The following BRINP3 variants were observed in gnomAD, a reference collection of about 807,000 sequenced individuals.
BRINP3 encodes the protein BMP/retinoic acid inducible neural specific 3, also known as BMP/retinoic acid-inducible neural-specific protein 3.
BRINP3 carries 19 observed loss-of-function variants against 71.0 expected under a neutral mutation model. That is an observed-to-expected ratio of 0.27 (90% CI 0.19 to 0.39). The LOEUF (loss-of-function observed/expected upper bound fraction) is 0.39, where lower values mean the gene tolerates loss of function less well. Ranked by LOEUF, BRINP3 falls within the 10% of genes least tolerant of loss-of-function variation. BRINP3 has a pLI of 1.00. For missense variants in BRINP3, 959 were observed against 940.8 expected (o/e 1.02, Z -0.25); for synonymous variants, 380 against 337.7 (o/e 1.13, Z -1.37).
At position 190,332,868 on chromosome 1, in the gene BRINP3, T is replaced by C. The variant is rs142721753; in HGVS notation, c.237-51118A>G. ...TACTTCAGGCTATTATCAATCCGGG[T>C]GTGTTTCCATGTTGAGTGGCCCTCC... On this transcript the variant is annotated intron_variant, in intron 2 of 7. Transcript: ENST00000367462. Among the ~76,000 whole-genome samples, 829 of 152,068 alleles carry C rather than the reference T, an allele frequency of 5.5e-3. 5 individuals are homozygous for C. The highest frequency in any genetic ancestry group is 0.018 in the African/African-American group (759 of 41,534).
At chr1:190,436,717 C>A (rs963178079) in intron 2 of BRINP3, among the ~76,000 whole-genome samples, 13 of 151,652 alleles carry the variant, frequency 8.6e-5, no homozygotes. Context: ...AAAATCATAT[C>A]AAGCAAATAG....
rs188103518 is a variant in BRINP3 at position 190,357,251 on chromosome 1, G to T, written c.237-75501C>A. Among the ~76,000 whole-genome samples the T allele has an allele frequency of 8.6e-5, 13 of 152,004 alleles. No homozygotes were observed. In the East Asian group the frequency reaches 2.5e-3, roughly 29 times the overall value. On this transcript the variant is annotated intron_variant, in intron 2 of 7. Coordinates refer to ENST00000367462, the MANE Select transcript of BRINP3 (RefSeq NM_199051.3). The stretch of plus-strand genomic sequence containing the variant: ...TTAAAAAGACATTTTGAAATTGACC[G>T]CCTTGAGTGAACTGCCAAACCTAGA...
intron 6 of BRINP3, among the ~76,000 whole-genome samples, chr1:190,169,684 A>G (rs1467841552): frequency 1.3e-5 from 2 of 152,204 alleles, no homozygotes; most frequent in Non-Finnish European, 2.9e-5. Context: ...TTAAAACCAC[A>G]GTAATAATAA....
intron 2 of BRINP3, among the ~76,000 whole-genome samples, chr1:190,337,497 T>C (rs1292723336): frequency 6.6e-6 from 1 of 152,034 alleles, no homozygotes; most frequent in Non-Finnish European, 1.5e-5. Flanking sequence ...CAGAGGAACA[T>C]GGAAGGGCTA....
rs76751759 is a variant in BRINP3 at position 190,449,525 on chromosome 1, T to G, written c.236+5130A>C. Among the ~76,000 whole-genome samples the G allele has an allele frequency of 4.9e-3, 752 of 152,180 alleles. 4 individuals are homozygous for G. Among genetic ancestry groups the G allele is most frequent in the Non-Finnish European group, 8.3e-3 (566 of 67,956 alleles). On this transcript the variant is annotated intron_variant, in intron 2 of 7. Coordinates refer to ENST00000367462, the MANE Select transcript of BRINP3 (RefSeq NM_199051.3). ...CCCTACTATTAACCTCATACTGTCATGTAATGCAAGTCCAAAGCTACTGTT... is the reference window on the plus strand; with the variant it reads ...CCCTACTATTAACCTCATACTGTCAGGTAATGCAAGTCCAAAGCTACTGTT...
intron 2 of BRINP3, among the ~76,000 whole-genome samples, chr1:190,334,270 A>G (rs1352610938): frequency 3.9e-5 from 6 of 151,936 alleles, no homozygotes; most frequent in Non-Finnish European, 8.8e-5. Context: ...TGCCCACGCT[A>G]CGTTCAAGGA....
chr1:190,184,379 G>T (rs1279454527), intron 6 of BRINP3, among the ~76,000 whole-genome samples: 1 of 152,142 alleles, frequency 6.6e-6, no homozygotes, highest in Non-Finnish European at 1.5e-5. Context: ...TCCCATTATT[G>T]TTTATATACC....
intron 2 of BRINP3, among the ~76,000 whole-genome samples, chr1:190,385,401 C>G (rs1047054779): frequency 6.6e-6 from 1 of 151,782 alleles, no homozygotes; most frequent in African/African-American, 2.4e-5. Context: ...ACAAACAACC[C>G]CATCAAAAAG....
intron 4 of BRINP3, among the ~76,000 whole-genome samples, chr1:190,248,896 A>C (rs1659861284): frequency 6.6e-6 from 1 of 151,826 alleles, no homozygotes; most frequent in South Asian, 2.1e-4. Context: ...TTCTCCATTA[A>C]ATAATATATT....
chr1:190,346,547 T>C (rs1046141350), intron 2 of BRINP3, among the ~76,000 whole-genome samples: 2 of 152,168 alleles, frequency 1.3e-5, no homozygotes, highest in Non-Finnish European at 2.9e-5. Flanking sequence ...CCAAAGGATG[T>C]GCATTTCTTG....
chr1:190,455,112 T>C (rs1231597878), intron 1 of BRINP3, among the ~76,000 whole-genome samples, 172 bp from the exon 2 acceptor site: 13 of 152,208 alleles, frequency 8.5e-5, no homozygotes, highest in Admixed American at 8.5e-4. Context: ...GTATATCTTT[T>C]ATACTTTGTT....
intron 6 of BRINP3, among the ~76,000 whole-genome samples, chr1:190,198,856 A>G (rs1220048903): frequency 6.6e-6 from 1 of 152,146 alleles, no homozygotes; most frequent in Non-Finnish European, 1.5e-5. Context: ...CTCCCTGTTA[A>G]CCAGTTCCAA....
At chr1:190,184,904 T>C (rs1303750623) in intron 6 of BRINP3, among the ~76,000 whole-genome samples, 1 of 152,102 alleles carries the variant, frequency 6.6e-6, no homozygotes, top group African/African-American at 2.4e-5. Flanking sequence ...GTAGAAATTA[T>C]TTTTTAAAAA....
chr1:190,384,915 C>T (rs527437070), intron 2 of BRINP3, among the ~76,000 whole-genome samples: 214 of 151,932 alleles, frequency 1.4e-3, no homozygotes, highest in Middle Eastern at 6.8e-3. Context: ...AATAATGCCA[C>T]ATATCTACAA....
chr1:190,195,629 A>G (rs1263666210), intron 6 of BRINP3, among the ~76,000 whole-genome samples: 1 of 152,066 alleles, frequency 6.6e-6, no homozygotes, highest in Non-Finnish European at 1.5e-5. Flanking sequence ...ATAGAAAGGT[A>G]CATACATACC....
At chr1:190,247,362 G>T (rs1659706817) in intron 4 of BRINP3, among the ~76,000 whole-genome samples, 1 of 151,872 alleles carries the variant, frequency 6.6e-6, no homozygotes, top group South Asian at 2.1e-4. Context: ...AGACTCCAAA[G>T]TGTAATTTTT....
intron 2 of BRINP3, among the ~76,000 whole-genome samples, chr1:190,453,534 T>TA (rs1450916706): frequency 6.6e-6 from 1 of 152,048 alleles, no homozygotes; most frequent in Non-Finnish European, 1.5e-5. Flanking sequence ...TTCATTTATT[T>TA]AAAAAATAGA....
intron 6 of BRINP3, among the ~76,000 whole-genome samples, chr1:190,177,902 T>C (rs1156686109): frequency 6.6e-6 from 1 of 152,202 alleles, no homozygotes; most frequent in East Asian, 1.9e-4. Flanking sequence ...GTACTGTACA[T>C]GTACAAACTT....
At chr1:190,415,514 T>C (rs1672954127) in intron 2 of BRINP3, among the ~76,000 whole-genome samples, 1 of 152,168 alleles carries the variant, frequency 6.6e-6, no homozygotes, top group Non-Finnish European at 1.5e-5. Flanking sequence ...GGAACAACTT[T>C]TATCTAAATA....
Sources: allele counts gnomAD v4.1 joint callset (sites outside exome capture counted in the v4.1 genomes callset), GRCh38; gene constraint gnomAD v4.1.1; transcripts MANE v1.5; gene names NCBI Gene and HGNC (gene_info 2026-07-23, HGNC 2026-07-21).